The following GPR108 variants were observed in gnomAD, a reference collection of about 807,000 sequenced individuals.
GPR108 encodes the protein G protein-coupled receptor 108, also known as protein GPR108.
Under a neutral mutation model 74.3 loss-of-function variants are expected in GPR108, and 60 were observed. The observed-to-expected ratio is 0.81, with a 90% CI of 0.66 to 1.00. GPR108 has a LOEUF of 1.00. Among genes scored for constraint, GPR108 ranks in the 50% least tolerant of loss-of-function variants. The probability of loss-of-function intolerance (pLI) is 0.00; values close to 1 mark genes in which losing one functional copy is unlikely to be tolerated. For synonymous variants in GPR108, 311 were observed against 292.4 expected (o/e 1.06, Z -0.65); for missense variants, 667 against 703.3 (o/e 0.95, Z 0.58).
chr19:6,734,730 G>T (rs1968560160), intron 4 of GPR108, among the ~76,000 whole-genome samples: 1 of 151,886 alleles, frequency 6.6e-6, no homozygotes, highest in African/African-American at 2.4e-5. Context: ...TCTAGAGACA[G>T]GGGTCTCCCT....
At chr19:6,734,330 C>A in intron 4 of GPR108, 23 bp from the exon 5 acceptor site, 2 of 1,608,442 alleles carry the variant, frequency 1.2e-6, no homozygotes, top group Non-Finnish European at 1.7e-6. Flanking sequence ...TGGGGTGGGG[C>A]ATGAGGCTGG....
intron 10 of GPR108, 147 bp downstream of exon 10, chr19:6,732,840 G>T: frequency 1.4e-6 from 1 of 711,362 alleles, no homozygotes; most frequent in Non-Finnish European, 2.4e-6. Context: ...GAGGGGATGG[G>T]TGACTGGCCA....
rs189935647 is a variant in GPR108, at chr19:6,733,477, G to A, written c.723+93C>T. The A allele has an allele frequency of 4.0e-4, 560 of 1,415,620 alleles. 3 individuals carry two copies. The African/African-American group carries it at 7.3e-3, about 19-fold the overall frequency. 87.7% of individuals were successfully genotyped at this position (1,415,620 alleles called of 1,614,324 possible). On this transcript the variant is annotated intron_variant, in intron 8 of 17. Coordinates refer to ENST00000264080, the MANE Select transcript of GPR108 (RefSeq NM_001080452.2). Reference sequence around the variant, plus strand: ...AACAGCTCCTACTTCGCACCCGGGAGGGCTGGGAAAAGCTAAGCGGGGTGA... The same window carrying A: ...AACAGCTCCTACTTCGCACCCGGGAAGGCTGGGAAAAGCTAAGCGGGGTGA...
chr19:6,737,353 C>A, intron 1 of GPR108, 104 bp downstream of exon 1: 1 of 1,364,548 alleles, frequency 7.3e-7, no homozygotes, highest in Non-Finnish European at 9.6e-7. Flanking sequence ...ACCACTCCAC[C>A]GCCTCGGGGA....
In GPR108 at chr19:6,730,444, A is replaced by C; in HGVS notation, c.1560-60T>G. 3.5e-6 allele frequency: 5 copies of C among 1,414,488 alleles called. No homozygotes were observed. The South Asian group carries it at 5.7e-5, about 16-fold the overall frequency. The allele number at this position is 1,414,488 out of a possible 1,614,324, so 87.6% of individuals were successfully genotyped here. A position where few individuals can be genotyped will look rare whatever the true frequency, so the allele number is the denominator to read the frequency against. On this transcript the variant is annotated intron_variant, in intron 17 of 17. Coordinates refer to ENST00000264080, the MANE Select transcript of GPR108 (RefSeq NM_001080452.2). ...CAGGGCAGCAGGCCCCACCCACTCT[A>C]CCCGGAACCACTCAGGCCCCGCCCC...
At chr19:6,730,935 C>A (rs1385573429) in intron 17 of GPR108, 52 bp downstream of exon 17, 4 of 1,584,214 alleles carry the variant, frequency 2.5e-6, no homozygotes, top group East Asian at 4.5e-5. Context: ...GAGCTGCCCA[C>A]CCCCTACTCC....
intron 17 of GPR108, 193 bp from the exon 18 acceptor site, chr19:6,730,577 A>G (rs1177430324): frequency 1.8e-6 from 1 of 550,894 alleles, no homozygotes; most frequent in Non-Finnish European, 3.3e-6. Context: ...TTCTACTCCA[A>G]CCACCTAGGC....
chr19:6,732,647 T>TG (rs1226981360), intron 10 of GPR108, 98 bp from the exon 11 acceptor site: 5 of 931,426 alleles, frequency 5.4e-6, no homozygotes, highest in Non-Finnish European at 8.5e-6. Flanking sequence ...CACCATCAGA[T>TG]GGGTGGTCAG....
At chr19:6,733,362 G>A in intron 8 of GPR108, 61 bp from the exon 9 acceptor site, 3 of 1,537,810 alleles carry the variant, frequency 2.0e-6, no homozygotes, top group South Asian at 1.2e-5. Flanking sequence ...GCCTGGGAGA[G>A]CAGCGAGTGG....
At chr19:6,735,863 C>G (rs935452074) in intron 3 of GPR108, 45 bp downstream of exon 3, 1 of 1,591,694 alleles carries the variant, frequency 6.3e-7, no homozygotes, top group South Asian at 1.1e-5. Flanking sequence ...ACCCTACCCC[C>G]TCCCTCCAGC....
At position 6,732,386 on chromosome 19, in the gene GPR108, G is replaced by A; in HGVS notation, c.1008-6C>T. 3.7e-6 allele frequency: 6 copies of A among 1,613,402 alleles called. No homozygotes were observed. Among genetic ancestry groups the A allele is most frequent in the Non-Finnish European group, 5.1e-6 (6 of 1,179,912 alleles). On this transcript the variant is annotated splice_polypyrimidine_tract_variant and splice_region_variant and intron_variant, in intron 11 of 17. Coordinates refer to ENST00000264080, the MANE Select transcript of GPR108 (RefSeq NM_001080452.2). ...AGAGGAGGGCGCCCTTCAGCCTGAAGGAGCAGGGGAGGGCGTGATGATGAG... is the reference window on the plus strand; with the variant it reads ...AGAGGAGGGCGCCCTTCAGCCTGAAAGAGCAGGGGAGGGCGTGATGATGAG...
chr19:6,730,136 T>C lies in GPR108; in HGVS notation c.*176A>G, dbSNP rs185330493. The C allele has an allele frequency of 6.2e-5, 39 of 633,164 alleles. No homozygotes were observed. The African/African-American group carries it at 6.4e-4, about 10-fold the overall frequency. 39.2% of individuals were successfully genotyped at this position (633,164 alleles called of 1,614,324 possible). A position where few individuals can be genotyped will look rare whatever the true frequency, so the allele number is the denominator to read the frequency against. On this transcript the variant is annotated 3_prime_UTR_variant, in exon 18 of 18. Transcript: ENST00000264080. ...GGGTAAGGACAGGGCTGCCCAATAT[T>C]TGGGGGGAGGAAGGGACTCTTCTTC...
rs201465774 is a variant in GPR108, at chr19:6,733,872, G to C, written c.591C>G (p.Ser197Arg). 2.2e-4 allele frequency: 354 copies of C among 1,614,012 alleles called. No individual in the cohort carries two copies. Among genetic ancestry groups the C allele is most frequent in the Non-Finnish European group, 2.7e-4 (319 of 1,179,980 alleles). The change falls in exon 7 of 18, where the codon AGC becomes AGG. Residue 197 changes from serine to arginine, a missense_variant. By Grantham distance (110) the Ser-to-Arg change is moderately radical. Transcript: ENST00000264080. ...GKDKDLVLGLSHLNNSYNFSF... is the reference protein window; with the variant it reads ...GKDKDLVLGLRHLNNSYNFSF... ...TGAAGTTGTAGGAGTTGTTGAGGTG[G>C]CTCAGGCCCAACACCAGGTCCTTGT...
At chr19:6,734,848 C>CATCATT (rs1555690407) in intron 4 of GPR108, among the ~76,000 whole-genome samples, 6 of 139,710 alleles carry the variant, frequency 4.3e-5, no homozygotes, top group South Asian at 2.4e-4. Flanking sequence ...GCCAGCCCTA[C>CATCATT]ATTATTATTA....
intron 1 of GPR108, chr19:6,737,228 T>C (rs340135): frequency 0.31 from 165,086 of 537,864 alleles, 26,136 homozygotes; most frequent in African/African-American, 0.39. Flanking sequence ...AGATGGAGCC[T>C]CGCCCCCGAA....
rs148633685 is a variant in GPR108, at chr19:6,733,560, C to A, written c.723+10G>T. The A allele has an allele frequency of 2.5e-6, 4 of 1,612,522 alleles. No homozygotes were observed. Among genetic ancestry groups the A allele is most frequent in the Admixed American group, 1.7e-5 (1 of 60,014 alleles). On this transcript the variant is annotated intron_variant, in intron 8 of 17. Coordinates refer to ENST00000264080, the MANE Select transcript of GPR108 (RefSeq NM_001080452.2). The stretch of plus-strand genomic sequence containing the variant: ...CGCTCCCTGGCCCTGCTGCCCTCCA[C>A]TCCGCTCACCGTGATGTCGAATGGA...
At position 6,733,312 on chromosome 19, in the gene GPR108, G is replaced by C. The variant is rs750828787; in HGVS notation, c.724-11C>G. 8 of 1,611,144 alleles carry C rather than the reference G, an allele frequency of 5.0e-6. No individual in the cohort carries two copies. The highest frequency in any genetic ancestry group is 1.1e-5 in the South Asian group (1 of 90,996). ...CTCCCGGATCATCACCTGCGGAGGGGGCAGTGGTGGGCGGCGGCAGGGGCA... is the reference window on the plus strand; with the variant it reads ...CTCCCGGATCATCACCTGCGGAGGGCGCAGTGGTGGGCGGCGGCAGGGGCA... On this transcript the variant is annotated splice_polypyrimidine_tract_variant and intron_variant, in intron 8 of 17. Coordinates refer to ENST00000264080, the MANE Select transcript of GPR108 (RefSeq NM_001080452.2).
intron 2 of GPR108, 79 bp downstream of exon 2, chr19:6,736,513 G>A: frequency 1.4e-6 from 2 of 1,408,394 alleles, no homozygotes; most frequent in Non-Finnish European, 2.0e-6. Flanking sequence ...AAGATCACAT[G>A]GGTAGCGGCA....
Position 6,733,053 on chromosome 19 carries a change from G to A in GPR108, c.867C>T (p.Val289=), listed in dbSNP as rs754397707. ...CCGCCATGAGCCAGTGGATCTTGAA[G>A]ACGCTGTACCTGGTGGGAGGGTCAG... is the stretch of plus-strand genomic sequence containing the variant. ...VSILCRNTYS[V]FKIHWLMAAL... The change falls in exon 10 of 18, where the codon GTC becomes GTT. Residue 289 remains valine (V), a synonymous_variant. Coordinates refer to ENST00000264080, the MANE Select transcript of GPR108 (RefSeq NM_001080452.2). 25 of 1,613,472 alleles carry A rather than the reference G, an allele frequency of 1.5e-5. No individual in the cohort carries two copies. The highest frequency in any genetic ancestry group is 2.7e-5 in the African/African-American group (2 of 74,930).
Sources: gnomAD v4.1 joint callset for allele counts (sites outside exome capture counted in the v4.1 genomes callset) on GRCh38, gnomAD v4.1.1 for gene constraint, MANE v1.5 for transcripts, NCBI Gene and HGNC (gene_info 2026-07-23, HGNC 2026-07-21) for gene names.